LTBP1: variants seen among roughly 807,000 people sequenced by gnomAD.
The protein encoded by LTBP1 is latent-transforming growth factor beta-binding protein 1.
In LTBP1, 129 loss-of-function variants were observed where a neutral mutation model predicts 207.6. The observed-to-expected ratio is 0.62, with a 90% CI of 0.54 to 0.72. The LOEUF (loss-of-function observed/expected upper bound fraction) is 0.72, where lower values mean the gene tolerates loss of function less well. Among genes scored for constraint, LTBP1 ranks in the 30% least tolerant of loss-of-function variants. The pLI, the probability that LTBP1 is intolerant of heterozygous loss-of-function variation, is 0.00. For missense variants in LTBP1, 2,281 were observed against 2,217.2 expected, an observed-to-expected ratio of 1.03 and a Z score of -0.58; for synonymous variants, 963 against 833.7, an observed-to-expected ratio of 1.16 and a Z score of -2.67.
chr2:33,223,856 G>A (rs2091278300), intron 9 of LTBP1, among the ~76,000 whole-genome samples: 2 of 152,172 alleles, frequency 1.3e-5, no homozygotes, highest in Admixed American at 6.5e-5. Context: ...AGACTGAAGA[G>A]AAATATTATG....
chr2:33,064,519 G>A (rs1333912281), intron 3 of LTBP1, among the ~76,000 whole-genome samples: 2 of 152,196 alleles, frequency 1.3e-5, no homozygotes, highest in African/African-American at 4.8e-5. Context: ...ATGCAGAGTA[G>A]CCCAGGTCGA....
rs71407487 is a variant in LTBP1, at chr2:32,959,597, G to GTA, written c.565+10676_565+10677dup. 2.4e-3 allele frequency among the ~76,000 whole-genome samples: 142 copies of GTA among 58,316 alleles called. 4 individuals carry two copies. Among genetic ancestry groups the GTA allele is most frequent in the East Asian group, 8.6e-3 (12 of 1,400 alleles). 38.3% of individuals were successfully genotyped at this position (58,316 alleles called of 152,430 possible). A position where few individuals can be genotyped will look rare whatever the true frequency, so the allele number is the denominator to read the frequency against. On this transcript the variant is annotated intron_variant, in intron 2 of 33. Transcript: ENST00000404816. ...TATGTATATGTATATATATGTACGT[G>GTA]TATATATATATATATATATATATAT... is the stretch of plus-strand genomic sequence containing the variant.
intron 4 of LTBP1, among the ~76,000 whole-genome samples, chr2:33,121,055 C>T (rs1378973339): frequency 1.3e-5 from 2 of 151,142 alleles, no homozygotes; most frequent in African/African-American, 2.4e-5. Flanking sequence ...CGTTATTTCT[C>T]ATTAGATCCA....
intron 2 of LTBP1, among the ~76,000 whole-genome samples, chr2:33,015,752 A>T (rs1353824592): frequency 6.6e-6 from 1 of 152,228 alleles, no homozygotes; most frequent in African/African-American, 2.4e-5. Flanking sequence ...CAGGAAGCAT[A>T]GCAGCTTGTG....
At chr2:33,055,345 T>A (rs1181300368) in intron 3 of LTBP1, among the ~76,000 whole-genome samples, 1 of 152,192 alleles carries the variant, frequency 6.6e-6, no homozygotes, top group Non-Finnish European at 1.5e-5. Context: ...GCAGAAGAAT[T>A]TTCTTCCTTT....
intron 18 of LTBP1, 150 bp from the exon 19 acceptor site, chr2:33,279,889 G>A (rs568734503): frequency 1.4e-6 from 1 of 714,238 alleles, no homozygotes; most frequent in South Asian, 1.8e-5. Flanking sequence ...ATGTATTTAA[G>A]TATAGACCCA....
chr2:33,007,684 T>C (rs1415596844), intron 2 of LTBP1, among the ~76,000 whole-genome samples: 1 of 152,222 alleles, frequency 6.6e-6, no homozygotes, highest in Non-Finnish European at 1.5e-5. Context: ...TTCTATCCCA[T>C]ATACAAATGT....
chr2:33,112,324 C>G (rs145080469), intron 4 of LTBP1, among the ~76,000 whole-genome samples: 1 of 152,154 alleles, frequency 6.6e-6, no homozygotes, highest in African/African-American at 2.4e-5. Context: ...ATTTTAAACT[C>G]TCAAATCTTG....
chr2:33,141,585 G>A (rs191165746), intron 5 of LTBP1, among the ~76,000 whole-genome samples: 41 of 152,318 alleles, frequency 2.7e-4, no homozygotes, highest in Admixed American at 5.2e-4. Flanking sequence ...AAGCTGAGAA[G>A]GGGGATGGAG....
chr2:32,989,333 T>C (rs911962932), intron 2 of LTBP1, among the ~76,000 whole-genome samples: 1 of 152,202 alleles, frequency 6.6e-6, no homozygotes, highest in East Asian at 1.9e-4. Context: ...AATAACCACA[T>C]TGGATTCCAA....
At position 33,134,794 on chromosome 2, in the gene LTBP1, G is replaced by C. The variant is rs1467134413; in HGVS notation, c.1035G>C (p.Leu345=). 6.2e-7 allele frequency: 1 copy of C among 1,614,044 alleles called. No individual in the cohort carries two copies. The highest frequency in any genetic ancestry group is 8.5e-7 in the Non-Finnish European group (1 of 1,180,008). Residue 345 remains leucine, a splice_region_variant and synonymous_variant, in exon 5 of 34, where the codon CTG becomes CTC. Coordinates refer to ENST00000404816, the MANE Select transcript of LTBP1 (RefSeq NM_206943.4). The surrounding 1 kb of genome is among the most constrained non-coding windows in gnomAD (Gnocchi z 4.4). ...TTTTCTCCCTGCCTCCGCTCCTAGT[G>C]AGTAACCACACTGGCCGCATCAAGG... is the stretch of plus-strand genomic sequence containing the variant. ...VQDQVAAPFQ[L]SNHTGRIKVV...
intron 4 of LTBP1, among the ~76,000 whole-genome samples, chr2:33,122,831 TC>T (rs141535155): frequency 0.11 from 17,225 of 152,126 alleles, 1,122 homozygotes; most frequent in African/African-American, 0.16. Flanking sequence ...CGTTCTGGGT[TC>T]TCTTGAGACG....
At chr2:33,395,073 A>C (rs1037483995) in intron 32 of LTBP1, among the ~76,000 whole-genome samples, 3 of 152,174 alleles carry the variant, frequency 2.0e-5, no homozygotes, top group Non-Finnish European at 4.4e-5. Context: ...CCCCAAACTT[A>C]TGCCAAATCT....
chr2:33,259,439 G>T, intron 12 of LTBP1, 149 bp from the exon 13 acceptor site: 1 of 483,872 alleles, frequency 2.1e-6, no homozygotes, highest in East Asian at 3.3e-5. Context: ...TCCCTAAAAT[G>T]GCAGATGATC....
chr2:33,394,717 A>G (rs560748626), intron 32 of LTBP1, among the ~76,000 whole-genome samples: 25 of 152,180 alleles, frequency 1.6e-4, no homozygotes, highest in Non-Finnish European at 3.4e-4. Flanking sequence ...GCCTTGTAGT[A>G]TAGTTTGAAG....
At chr2:33,245,496 G>A (rs922030526) in intron 10 of LTBP1, among the ~76,000 whole-genome samples, 13 of 152,120 alleles carry the variant, frequency 8.5e-5, no homozygotes, top group Non-Finnish European at 1.5e-4. Flanking sequence ...AGTTTTACAC[G>A]TAAGTCCTCT....
chr2:33,029,017 G>C (rs536981853), intron 3 of LTBP1, among the ~76,000 whole-genome samples: 2 of 152,144 alleles, frequency 1.3e-5, no homozygotes, highest in African/African-American at 4.8e-5. Context: ...CTCAAGTGCT[G>C]GTAGAAAGCA....
At chr2:32,960,721 T>C (rs748592923) in intron 2 of LTBP1, among the ~76,000 whole-genome samples, 2 of 152,134 alleles carry the variant, frequency 1.3e-5, no homozygotes, top group Non-Finnish European at 2.9e-5. Flanking sequence ...AGAAAGTCTC[T>C]ATAGGAAGTG....
intron 3 of LTBP1, among the ~76,000 whole-genome samples, chr2:33,097,133 T>G (rs1205451383): frequency 1.3e-5 from 2 of 152,190 alleles, no homozygotes; most frequent in East Asian, 3.9e-4. Context: ...AATCAAAACT[T>G]TCTTGAAGGA....
Sources: allele counts gnomAD v4.1 joint callset (sites outside exome capture counted in the v4.1 genomes callset), GRCh38; gene constraint gnomAD v4.1.1; non-coding constraint Gnocchi (gnomAD v3.1); transcripts MANE v1.5; gene names NCBI Gene and HGNC (gene_info 2026-07-23, HGNC 2026-07-21).